The following ADGRE3 variants were observed in gnomAD, a reference collection of about 807,000 sequenced individuals.
ADGRE3 encodes EGF-like module receptor 3.
ADGRE3 carries 88 observed loss-of-function variants against 80.1 expected under a neutral mutation model. The observed-to-expected ratio is 1.10, with a 90% CI of 0.93 to 1.31. The LOEUF is 1.31. Among genes scored for constraint, ADGRE3 ranks in the 40% most tolerant of loss-of-function variants. The pLI is 0.00. For missense variants in ADGRE3, 715 were observed against 776.5 expected, an observed-to-expected ratio of 0.92 and a Z score of 0.94; for synonymous variants, 281 against 294.8, an observed-to-expected ratio of 0.95 and a Z score of 0.48.
In ADGRE3 at chr19:14,647,312, C is replaced by G. The variant is rs749164294; in HGVS notation, c.751G>C (p.Ala251Pro). 1 of 1,613,072 alleles carries G rather than the reference C, an allele frequency of 6.2e-7. No individual in the cohort carries two copies. Among genetic ancestry groups the G allele is most frequent in the African/African-American group, 1.3e-5 (1 of 74,944 alleles). Reference protein sequence around the residue: ...SYSSLGNIINATFFEEMDKKD... With the variant: ...SYSSLGNIINPTFFEEMDKKD... ...TTATCCATCTCTTCAAAAAAAGTTG[C>G]ATTTATGATGTTTCCAAGAGAAGAA... The change falls in exon 8 of 16, where the codon GCA becomes CCA. Residue 251 changes from alanine (A) to proline (P), a missense_variant. Ala to Pro is a conservative substitution (Grantham distance 27). Coordinates refer to ENST00000253673, the MANE Select transcript of ADGRE3 (RefSeq NM_032571.5).
chr19:14,639,869 T>TATAGAACATA (rs1971200198), intron 10 of ADGRE3, among the ~76,000 whole-genome samples: 2 of 152,204 alleles, frequency 1.3e-5, no homozygotes, highest in South Asian at 4.1e-4. Context: ...GTTAGCAATT[T>TATAGAACATA]TTCAATATAG....
intron 1 of ADGRE3, among the ~76,000 whole-genome samples, chr19:14,672,790 T>C (rs1297627221): frequency 6.6e-6 from 1 of 152,028 alleles, no homozygotes; most frequent in Non-Finnish European, 1.5e-5. Flanking sequence ...TTTTTTTTAA[T>C]GTTTCTTGGA....
chr19:14,639,941 T>C (rs1316103664), intron 10 of ADGRE3, among the ~76,000 whole-genome samples: 2 of 152,198 alleles, frequency 1.3e-5, no homozygotes, highest in Non-Finnish European at 2.9e-5. Context: ...ATTCTTTCCG[T>C]CTAGCTGAAA....
intron 1 of ADGRE3, among the ~76,000 whole-genome samples, chr19:14,671,483 C>A (rs78375168): frequency 6.6e-6 from 1 of 152,058 alleles, no homozygotes; most frequent in African/African-American, 2.4e-5. Flanking sequence ...TTATATTAGG[C>A]CCCCTGGAAA....
intron 2 of ADGRE3, among the ~76,000 whole-genome samples, chr19:14,663,953 T>G (rs975845742): frequency 6.6e-6 from 1 of 151,890 alleles, no homozygotes; most frequent in Non-Finnish European, 1.5e-5. Flanking sequence ...CCCACTCCCC[T>G]GACATATTAT....
chr19:14,619,761 A>T (rs1297399405), intron 15 of ADGRE3, among the ~76,000 whole-genome samples: 1 of 152,200 alleles, frequency 6.6e-6, no homozygotes, highest in Non-Finnish European at 1.5e-5. Flanking sequence ...GTCTATGAAG[A>T]AAGGTTAGAG....
At chr19:14,662,384 A>G (rs1971972371) in intron 3 of ADGRE3, among the ~76,000 whole-genome samples, 1 of 152,164 alleles carries the variant, frequency 6.6e-6, no homozygotes, top group African/African-American at 2.4e-5. Flanking sequence ...AAATGAAACA[A>G]GAAACTATCT....
At chr19:14,647,062 G>T in intron 8 of ADGRE3, 119 bp downstream of exon 8, 1 of 695,160 alleles carries the variant, frequency 1.4e-6, no homozygotes, top group Non-Finnish European at 2.5e-6. Flanking sequence ...AATAGCGACA[G>T]GTGCTCCTGA....
chr19:14,641,365 T>C (rs888154680), intron 10 of ADGRE3, 54 bp downstream of exon 10: 16 of 1,603,578 alleles, frequency 1.0e-5, no homozygotes, highest in Non-Finnish European at 1.4e-5. Context: ...CATTGCTCCA[T>C]GAGCTCAGTG....
chr19:14,648,195 T>G (rs1008008220), intron 7 of ADGRE3, among the ~76,000 whole-genome samples: 1 of 152,130 alleles, frequency 6.6e-6, no homozygotes, highest in African/African-American at 2.4e-5. Flanking sequence ...ATCTATTTCT[T>G]CCTACAAAGG....
intron 7 of ADGRE3, among the ~76,000 whole-genome samples, chr19:14,650,232 C>T (rs372648391): frequency 6.3e-4 from 95 of 151,254 alleles, no homozygotes; most frequent in African/African-American, 2.2e-3. Flanking sequence ...CCATCTCTCT[C>T]TTTCCATCTC....
chr19:14,619,413 T>C lies in ADGRE3; in HGVS notation c.*20A>G, dbSNP rs758616661. 2.6e-6 allele frequency: 4 copies of C among 1,515,884 alleles called. No individual in the cohort carries two copies. Among genetic ancestry groups the C allele is most frequent in the Non-Finnish European group, 3.7e-6 (4 of 1,091,686 alleles). 93.9% of individuals were successfully genotyped at this position (1,515,884 alleles called of 1,614,324 possible). A position where few individuals can be genotyped will look rare whatever the true frequency, so the allele number is the denominator to read the frequency against. ...AGATCCATGGATATGATTTTCCATA[T>C]GGAGTTGAATATTCTAGTTTTAATA... On this transcript the variant is annotated 3_prime_UTR_variant, in exon 16 of 16. Coordinates refer to ENST00000253673, the MANE Select transcript of ADGRE3 (RefSeq NM_032571.5).
In ADGRE3 at chr19:14,662,031, C is replaced by A; in HGVS notation, c.287G>T (p.Cys96Phe). 6.2e-7 allele frequency: 1 copy of A among 1,613,938 alleles called. No individual in the cohort carries two copies. The highest frequency in any genetic ancestry group is 8.5e-7 in the Non-Finnish European group (1 of 1,179,782). The change falls in exon 4 of 16, where the codon TGT (cysteine) becomes TTT (phenylalanine). Residue 96 changes from cysteine to phenylalanine, a missense_variant. Transcript: ENST00000253673. ...YNVEGSFYCQ[C>F]VPGYRLHSGN... ...AGAATGCAGTCTATATCCTGGGACA[C>A]ATTGACAGTAGAAACTTCCTTCGAC...
intron 13 of ADGRE3, among the ~76,000 whole-genome samples, chr19:14,631,047 T>G (rs1384652936): frequency 6.6e-6 from 1 of 151,960 alleles, no homozygotes; most frequent in African/African-American, 2.4e-5. Flanking sequence ...AATCTTTGTA[T>G]TTTTAGTAGA....
intron 5 of ADGRE3, among the ~76,000 whole-genome samples, chr19:14,656,448 T>C (rs4808971): frequency 0.8 from 120,522 of 150,808 alleles, 48,803 homozygotes; most frequent in African/African-American, 0.93. Context: ...AGCAAAATCC[T>C]GCCCACCGAC....
chr19:14,650,591 T>C lies in ADGRE3; in HGVS notation c.697+494A>G, dbSNP rs78859246. Among the ~76,000 whole-genome samples, 73 of 151,618 alleles carry C rather than the reference T, an allele frequency of 4.8e-4. 1 individual carries two copies. In the East Asian group the frequency reaches 8.2e-3, roughly 17 times the overall value. ...TTACCCATCTGCCTCTCCACATCTG[T>C]TTCTCTCCATCTCTCTCATCTCTTG... On this transcript the variant is annotated intron_variant, in intron 7 of 15. Transcript: ENST00000253673.
chr19:14,658,411 T>C, intron 5 of ADGRE3, 102 bp downstream of exon 5: 1 of 525,210 alleles, frequency 1.9e-6, no homozygotes, highest in Non-Finnish European at 3.2e-6. Context: ...ATAATATATA[T>C]TTTGCCCTAA....
At chr19:14,674,717 G>C (rs373434987) in intron 1 of ADGRE3, 29 bp downstream of exon 1, 1 of 1,610,282 alleles carries the variant, frequency 6.2e-7, no homozygotes, top group Admixed American at 1.7e-5. Context: ...GATAGGTTAA[G>C]CCTCAGTCAT....
rs569525424 is a variant in ADGRE3, at chr19:14,667,584, A to G, written c.76+1218T>C. On this transcript the variant is annotated intron_variant, in intron 2 of 15. Coordinates refer to ENST00000253673, the MANE Select transcript of ADGRE3 (RefSeq NM_032571.5). Reference sequence around the variant, plus strand: ...AAACCATCATTCTCAGCAAACTATCAGAAGGACAGAAAACCAAACACCGCA... The same window carrying G: ...AAACCATCATTCTCAGCAAACTATCGGAAGGACAGAAAACCAAACACCGCA... 5.3e-5 allele frequency among the ~76,000 whole-genome samples: 8 copies of G among 152,250 alleles called. No individual in the cohort carries two copies. In the East Asian group the frequency reaches 1.5e-3, roughly 29 times the overall value.
Sources: allele counts gnomAD v4.1 joint callset (sites outside exome capture counted in the v4.1 genomes callset), GRCh38; gene constraint gnomAD v4.1.1; transcripts MANE v1.5; gene names NCBI Gene and HGNC (gene_info 2026-07-23, HGNC 2026-07-21).